Variants in SORCS2 observed in about 807,000 individuals in gnomAD.
SORCS2 encodes the protein VPS10 domain-containing receptor SorCS2.
Under a neutral mutation model 141.6 loss-of-function variants are expected in SORCS2, and 100 were observed. The ratio of observed to expected loss-of-function variants is 0.71; its 90% CI spans 0.60 to 0.83. The LOEUF (loss-of-function observed/expected upper bound fraction) is 0.83. Ranked by LOEUF, SORCS2 falls within the 40% of genes least tolerant of loss-of-function variation. The pLI is 0.00. For synonymous variants in SORCS2, 789 were observed against 676.9 expected, an observed-to-expected ratio of 1.17 and a Z score of -2.57; for missense variants, 1,646 against 1,560.2, an observed-to-expected ratio of 1.05 and a Z score of -0.93.
intron 1 of SORCS2, among the ~76,000 whole-genome samples, chr4:7,335,854 G>A (rs1039041420): frequency 3.3e-5 from 5 of 152,210 alleles, no homozygotes; most frequent in East Asian, 1.9e-4. Context: ...CATGGAGTGC[G>A]GGTGCGGGGG....
At chr4:7,200,173 C>A (rs751078537) in intron 1 of SORCS2, among the ~76,000 whole-genome samples, 5 of 152,108 alleles carry the variant, frequency 3.3e-5, no homozygotes. Flanking sequence ...CAGGGACTTT[C>A]GGTTTGGGGT....
intron 4 of SORCS2, 73 bp from the exon 5 acceptor site, chr4:7,654,061 C>A: frequency 1.5e-6 from 2 of 1,333,672 alleles, no homozygotes; most frequent in Non-Finnish European, 2.1e-6. Context: ...GTGGTGAAGA[C>A]ATCACCCTCT....
At chr4:7,453,251 G>A (rs1156585247) in intron 2 of SORCS2, among the ~76,000 whole-genome samples, 1 of 123,010 alleles carries the variant, frequency 8.1e-6, no homozygotes, top group Non-Finnish European at 1.7e-5. Flanking sequence ...GGGGTCAGGT[G>A]CTGTGTTGGG....
At chr4:7,713,030 C>T (rs1026626268) in intron 15 of SORCS2, among the ~76,000 whole-genome samples, 177 bp downstream of exon 15, 1 of 152,088 alleles carries the variant, frequency 6.6e-6, no homozygotes, top group African/African-American at 2.4e-5. Context: ...TTTTCCAGAC[C>T]CTTCTCGGTC....
chr4:7,282,804 G>A (rs1715967256), intron 1 of SORCS2, among the ~76,000 whole-genome samples: 1 of 152,174 alleles, frequency 6.6e-6, no homozygotes, highest in Admixed American at 6.5e-5. Context: ...CACACTCTAG[G>A]GGGTCTTGCC....
At chr4:7,416,515 T>G (rs117716414) in intron 2 of SORCS2, among the ~76,000 whole-genome samples, 2 of 150,950 alleles carry the variant, frequency 1.3e-5, no homozygotes, top group Admixed American at 6.6e-5. Context: ...CGCTTCCTCC[T>G]CCATACTGAC....
chr4:7,552,893 G>A (rs181397001), intron 3 of SORCS2, among the ~76,000 whole-genome samples: 1 of 152,334 alleles, frequency 6.6e-6, no homozygotes, highest in African/African-American at 2.4e-5. Context: ...ATAGTGGTGA[G>A]GAGAATGGAT....
At chr4:7,310,339 G>A (rs1160679043) in intron 1 of SORCS2, 1 of 154,234 alleles carries the variant, frequency 6.5e-6, no homozygotes, top group African/African-American at 2.4e-5. Context: ...AGCCTTGAAT[G>A]CGGGGAGTGA....
At chr4:7,346,883 T>C (rs11729211) in intron 1 of SORCS2, among the ~76,000 whole-genome samples, 32,156 of 152,124 alleles carry the variant, frequency 0.21, 3,538 homozygotes, top group Non-Finnish European at 0.24. Flanking sequence ...TTCATCAAAC[T>C]GTACTATAAT....
intron 21 of SORCS2, 146 bp downstream of exon 21, chr4:7,727,049 G>A: frequency 6.3e-6 from 7 of 1,110,000 alleles, no homozygotes; most frequent in East Asian, 2.7e-5. Context: ...GATAAACAGA[G>A]CCCTGCCCTG....
At chr4:7,484,627 T>C (rs1404701172) in intron 2 of SORCS2, among the ~76,000 whole-genome samples, 1 of 152,106 alleles carries the variant, frequency 6.6e-6, no homozygotes, top group African/African-American at 2.4e-5. Flanking sequence ...AAGCAATTCC[T>C]CTCCTTTCTA....
At chr4:7,722,651 C>G (rs750779887) in intron 18 of SORCS2, among the ~76,000 whole-genome samples, 5 of 152,160 alleles carry the variant, frequency 3.3e-5, no homozygotes, top group Non-Finnish European at 7.3e-5. Flanking sequence ...AGGGCCCACC[C>G]TAATCCAGTA....
At chr4:7,596,272 T>C (rs971991340) in intron 3 of SORCS2, among the ~76,000 whole-genome samples, 3 of 152,218 alleles carry the variant, frequency 2.0e-5, no homozygotes, top group African/African-American at 7.2e-5. Flanking sequence ...AGATTCACAA[T>C]GGCCAGCTTG....
chr4:7,440,430 G>A (rs1486763753), intron 2 of SORCS2, among the ~76,000 whole-genome samples: 1 of 152,258 alleles, frequency 6.6e-6, no homozygotes, highest in African/African-American at 2.4e-5. Context: ...AATTTCTGAG[G>A]CTTTGGCCCT....
chr4:7,455,339 C>T (rs1728823614), intron 2 of SORCS2, among the ~76,000 whole-genome samples: 1 of 71,090 alleles, frequency 1.4e-5, no homozygotes, highest in Non-Finnish European at 2.6e-5. Flanking sequence ...GGGTCAGGCT[C>T]CGTGTTGGGG....
chr4:7,599,216 C>A (rs1717490059), intron 3 of SORCS2, among the ~76,000 whole-genome samples: 1 of 152,134 alleles, frequency 6.6e-6, no homozygotes, highest in Non-Finnish European at 1.5e-5. Context: ...GTGAAGTCAG[C>A]CTGACCCCAG....
intron 1 of SORCS2, among the ~76,000 whole-genome samples, chr4:7,198,144 AG>A (rs1661955321): frequency 6.6e-6 from 1 of 152,030 alleles, no homozygotes; most frequent in Admixed American, 6.6e-5. Context: ...AAGGCTGTGG[AG>A]GGGGCTGAGG....
intron 1 of SORCS2, among the ~76,000 whole-genome samples, chr4:7,317,775 C>A (rs376809320): frequency 6.6e-6 from 1 of 152,242 alleles, no homozygotes; most frequent in Admixed American, 6.5e-5. Flanking sequence ...GAAGTACCAT[C>A]TGAAGGTGAG....
intron 2 of SORCS2, among the ~76,000 whole-genome samples, chr4:7,476,294 G>A (rs1560315858): frequency 6.6e-6 from 1 of 152,192 alleles, no homozygotes; most frequent in Non-Finnish European, 1.5e-5. Context: ...AATTGTTGGG[G>A]TTTATAAGTC....
Sources: gnomAD v4.1 joint callset for allele counts (sites outside exome capture counted in the v4.1 genomes callset) on GRCh38, gnomAD v4.1.1 for gene constraint, MANE v1.5 for transcripts, NCBI Gene and HGNC (gene_info 2026-07-23, HGNC 2026-07-21) for gene names.